The following FBXL2 variants were observed in gnomAD, a reference collection of about 807,000 sequenced individuals.
FBXL2 encodes the protein F-box/LRR-repeat protein 2.
A neutral mutation model predicts 69.2 loss-of-function variants in FBXL2; 38 were observed. That is an observed-to-expected ratio of 0.55 (90% CI 0.42 to 0.72). The LOEUF is 0.72. Among genes scored for constraint, FBXL2 ranks in the 30% least tolerant of loss-of-function variants. The pLI is 0.00. For synonymous variants in FBXL2, 192 were observed against 201.3 expected (o/e 0.95, Z 0.39); for missense variants, 354 against 520.3 (o/e 0.68, Z 3.11).
At chr3:33,346,987 G>T (rs1004360192) in intron 2 of FBXL2, among the ~76,000 whole-genome samples, 1 of 152,110 alleles carries the variant, frequency 6.6e-6, no homozygotes, top group Non-Finnish European at 1.5e-5. Flanking sequence ...TTATACTCTT[G>T]TATGTTTAAG....
intron 12 of FBXL2, among the ~76,000 whole-genome samples, chr3:33,399,685 G>A (rs763580145): frequency 2.6e-5 from 4 of 152,208 alleles, no homozygotes; most frequent in Non-Finnish European, 5.9e-5. Context: ...AGGGGTAGCA[G>A]GAGGGAGATC....
intron 1 of FBXL2, among the ~76,000 whole-genome samples, chr3:33,277,981 A>G (rs1004318434): frequency 1.3e-5 from 2 of 152,190 alleles, no homozygotes; most frequent in Middle Eastern, 3.2e-3. Context: ...TCCTTTCAAA[A>G]TCAGCATTCT....
intron 2 of FBXL2, among the ~76,000 whole-genome samples, chr3:33,341,687 G>A (rs564375512): frequency 1.9e-4 from 29 of 151,814 alleles, no homozygotes; most frequent in African/African-American, 7.0e-4. Flanking sequence ...AAAATTAGCC[G>A]ATCATGGTGG....
chr3:33,285,880 A>C (rs1235649229), intron 1 of FBXL2, among the ~76,000 whole-genome samples: 1 of 152,126 alleles, frequency 6.6e-6, no homozygotes, highest in Non-Finnish European at 1.5e-5. Flanking sequence ...CATGGTTTTC[A>C]GCTCCATCAG....
At chr3:33,300,875 ATTTTTTT>A (rs11312891) in intron 2 of FBXL2, among the ~76,000 whole-genome samples, 1 of 146,750 alleles carries the variant, frequency 6.8e-6, no homozygotes, top group African/African-American at 2.5e-5. Flanking sequence ...CGCCCAGCTA[ATTTTTTT>A]TTTTTTGTAT....
At chr3:33,396,444 C>T in intron 12 of FBXL2, 1 of 535,152 alleles carries the variant, frequency 1.9e-6, no homozygotes. Flanking sequence ...AAACCACACA[C>T]CTCACACCAA....
downstream of FBXL2, chr3:33,391,484 T>C (rs2154054149): frequency 6.6e-6 from 1 of 152,328 alleles, no homozygotes; most frequent in East Asian, 1.9e-4. Context: ...TTTCCAAATT[T>C]ACATCTCAAG....
At chr3:33,343,552 A>C (rs1485567414) in intron 2 of FBXL2, among the ~76,000 whole-genome samples, 3 of 152,156 alleles carry the variant, frequency 2.0e-5, no homozygotes, top group African/African-American at 7.2e-5. Context: ...TTTATTGATT[A>C]GAAATACAAT....
At chr3:33,390,035 CTA>C (rs2043695237), downstream of FBXL2, 2 of 370,660 alleles carry the variant, frequency 5.4e-6, no homozygotes, top group Non-Finnish European at 9.8e-6. Flanking sequence ...AAGGCTGCTT[CTA>C]GGAACTGTAT....
intron 1 of FBXL2, among the ~76,000 whole-genome samples, chr3:33,280,811 T>C (rs1025504143): frequency 9.9e-5 from 15 of 152,160 alleles, no homozygotes; most frequent in African/African-American, 3.6e-4. Context: ...ATATATGACT[T>C]GTCAAGTTTT....
chr3:33,294,755 A>T (rs2035581270), intron 1 of FBXL2, among the ~76,000 whole-genome samples: 2 of 149,908 alleles, frequency 1.3e-5, no homozygotes, highest in Admixed American at 1.3e-4. Flanking sequence ...AGGTGGGAGG[A>T]TTGCTTGAGC....
chr3:33,419,178 C>G, the FBXL2 span, among the ~76,000 whole-genome samples: 1 of 152,106 alleles, frequency 6.6e-6, no homozygotes, highest in Non-Finnish European at 1.5e-5. Context: ...TCAAAGACAG[C>G]CAGGAGCTGA....
chr3:33,389,455 T>A (rs902648585), downstream of FBXL2: 1 of 145,442 alleles, frequency 6.9e-6, no homozygotes, highest in Non-Finnish European at 1.5e-5. Context: ...TTTAAAAATG[T>A]TTAATAGGAT....
intron 10 of FBXL2, among the ~76,000 whole-genome samples, chr3:33,376,310 G>A (rs114694215): frequency 6.6e-6 from 1 of 152,104 alleles, no homozygotes; most frequent in Non-Finnish European, 1.5e-5. Context: ...CAGAAAAAAA[G>A]ATACTTTTTA....
rs1306434688 is a variant in FBXL2 at position 33,323,988 on chromosome 3, T to A, written c.65+26263T>A. 3.3e-5 allele frequency among the ~76,000 whole-genome samples: 5 copies of A among 152,368 alleles called. No homozygotes were observed. The East Asian group carries it at 9.6e-4, about 29-fold the overall frequency. On this transcript the variant is annotated intron_variant, in intron 2 of 14. Coordinates refer to ENST00000484457, the MANE Select transcript of FBXL2 (RefSeq NM_012157.5). ...CATCTGTTGTTTCCTGACTTTTTAA[T>A]GATCGCCATTCTAACTGGCGTGAGA...
intron 2 of FBXL2, among the ~76,000 whole-genome samples, chr3:33,332,354 T>A (rs575745770): frequency 6.6e-6 from 1 of 152,246 alleles, no homozygotes; most frequent in Non-Finnish European, 1.5e-5. Context: ...GTACAGCCAC[T>A]GCAGAAAACA....
At chr3:33,389,384 A>G (rs1291010549), downstream of FBXL2, 2 of 150,958 alleles carry the variant, frequency 1.3e-5, no homozygotes, top group African/African-American at 4.9e-5. Context: ...GTCAGAAGCT[A>G]TCAACAATAA....
chr3:33,369,178 A>C (rs959162161), intron 5 of FBXL2, among the ~76,000 whole-genome samples: 1 of 151,942 alleles, frequency 6.6e-6, no homozygotes, highest in Non-Finnish European at 1.5e-5. Context: ...CAGACTCCCA[A>C]GTAGCTGGGA....
chr3:33,384,625 C>A (rs2043290322), intron 14 of FBXL2, among the ~76,000 whole-genome samples: 1 of 152,158 alleles, frequency 6.6e-6, no homozygotes, highest in Non-Finnish European at 1.5e-5. Context: ...TGATCTGGTA[C>A]AATAGTGTCA....
Sources: allele counts gnomAD v4.1 joint callset (sites outside exome capture counted in the v4.1 genomes callset), GRCh38; gene constraint gnomAD v4.1.1; transcripts MANE v1.5; gene names NCBI Gene and HGNC (gene_info 2026-07-23, HGNC 2026-07-21).